The following ADAMTSL1 variants were observed in gnomAD, a reference collection of about 807,000 sequenced individuals.
ADAMTSL1 encodes the protein ADAMTS-like protein 1.
Under a neutral mutation model 201.8 loss-of-function variants are expected in ADAMTSL1, and 126 were observed. That is an observed-to-expected ratio of 0.62 (90% CI 0.54 to 0.72). The LOEUF (loss-of-function observed/expected upper bound fraction) is 0.72. Ranked by LOEUF, ADAMTSL1 falls within the 30% of genes least tolerant of loss-of-function variation. The pLI is 0.00. For synonymous variants in ADAMTSL1, 1,121 were observed against 903.4 expected, an observed-to-expected ratio of 1.24 and a Z score of -4.32; for missense variants, 2,679 against 2,277.8, an observed-to-expected ratio of 1.18 and a Z score of -3.59.
chr9:18,517,542 G>A (rs927118797), intron 2 of ADAMTSL1, among the ~76,000 whole-genome samples: 37 of 151,254 alleles, frequency 2.4e-4, no homozygotes, highest in African/African-American at 4.4e-4. Flanking sequence ...AGCATTAGGT[G>A]TATCTCCCAA....
intron 23 of ADAMTSL1, among the ~76,000 whole-genome samples, chr9:18,855,533 C>G (rs567459388): frequency 1.4e-4 from 21 of 152,242 alleles, no homozygotes; most frequent in Admixed American, 8.5e-4. Context: ...TAATTGTATT[C>G]GTGTTCTAGA....
At chr9:18,509,218 A>G (rs1325799372) in intron 2 of ADAMTSL1, among the ~76,000 whole-genome samples, 1 of 93,572 alleles carries the variant, frequency 1.1e-5, no homozygotes, top group Non-Finnish European at 2.3e-5. Context: ...AAAAAAAAAA[A>G]AAAAAAAAAA....
chr9:18,843,575 T>C (rs1361610029), intron 23 of ADAMTSL1, among the ~76,000 whole-genome samples: 2 of 150,566 alleles, frequency 1.3e-5, no homozygotes, highest in Non-Finnish European at 2.9e-5. Context: ...AATCTGAATG[T>C]TGCCCTGCCT....
intron 2 of ADAMTSL1, among the ~76,000 whole-genome samples, chr9:18,519,037 G>A (rs943802495): frequency 1.3e-5 from 2 of 152,034 alleles, no homozygotes; most frequent in Non-Finnish European, 2.9e-5. Context: ...TACCTACAAT[G>A]TCCCTCCCTC....
intron 2 of ADAMTSL1, among the ~76,000 whole-genome samples, chr9:18,177,689 G>T (rs1296452149): frequency 6.6e-6 from 1 of 152,174 alleles, no homozygotes; most frequent in South Asian, 2.1e-4. Context: ...AGGACAAATG[G>T]AGGAACGGTG....
intron 2 of ADAMTSL1, among the ~76,000 whole-genome samples, chr9:18,176,220 C>G (rs1329693188): frequency 6.6e-6 from 1 of 151,842 alleles, no homozygotes; most frequent in Non-Finnish European, 1.5e-5. Context: ...GATCATTTGC[C>G]CTAGCGTATT....
intron 1 of ADAMTSL1, among the ~76,000 whole-genome samples, chr9:18,146,581 C>G (rs1431179721): frequency 1.3e-5 from 2 of 152,116 alleles, no homozygotes; most frequent in Admixed American, 6.6e-5. Context: ...ATAGGTAAAA[C>G]ACAGGGGACT....
intron 4 of ADAMTSL1, among the ~76,000 whole-genome samples, chr9:18,590,450 C>A (rs947042161): frequency 4.0e-5 from 6 of 150,172 alleles, no homozygotes; most frequent in Non-Finnish European, 7.4e-5. Flanking sequence ...TGTTGTTTAT[C>A]TTTTCAAAAA....
chr9:18,461,044 A>G (rs1245993603), intron 2 of ADAMTSL1, among the ~76,000 whole-genome samples: 1 of 152,212 alleles, frequency 6.6e-6, no homozygotes. Context: ...TTTTTAACAA[A>G]TGTAACTTTT....
chr9:18,870,474 T>C (rs965287650), intron 23 of ADAMTSL1, among the ~76,000 whole-genome samples: 1 of 152,220 alleles, frequency 6.6e-6, no homozygotes, highest in Non-Finnish European at 1.5e-5. Context: ...GCTGCTCTTT[T>C]GCTGGGTCCT....
At chr9:18,715,476 C>G (rs528792141) in intron 14 of ADAMTSL1, among the ~76,000 whole-genome samples, 2 of 152,240 alleles carry the variant, frequency 1.3e-5, no homozygotes, top group Non-Finnish European at 2.9e-5. Context: ...TGCGTGAACT[C>G]CCATTCACAA....
chr9:18,647,742 G>T (rs1400699981), intron 7 of ADAMTSL1, among the ~76,000 whole-genome samples: 2 of 151,686 alleles, frequency 1.3e-5, no homozygotes, highest in African/African-American at 2.4e-5. Flanking sequence ...TTGCACTGTG[G>T]TCTGAGAGAC....
At chr9:18,747,923 T>C (rs1424377902) in intron 15 of ADAMTSL1, among the ~76,000 whole-genome samples, 1 of 152,062 alleles carries the variant, frequency 6.6e-6, no homozygotes, top group Non-Finnish European at 1.5e-5. Flanking sequence ...CCAGTTAAAG[T>C]GACAGGCCAA....
intron 1 of ADAMTSL1, among the ~76,000 whole-genome samples, chr9:17,913,202 C>T (rs957694112): frequency 1.3e-5 from 2 of 152,042 alleles, no homozygotes; most frequent in Admixed American, 1.3e-4. Flanking sequence ...TCCATATGAA[C>T]TTTAAAGTAG....
chr9:17,947,345 A>ACACACC lies in ADAMTSL1; in HGVS notation c.87+40424_87+40425insACACCC, dbSNP rs1554668687. On this transcript the variant is annotated intron_variant, in intron 1 of 29. Transcript: ENST00000680146. ...CACACACACACACACACACACACAC[A>ACACACC]CCCCACTATGCACTTGATAATTTTG... is the stretch of plus-strand genomic sequence containing the variant. Among the ~76,000 whole-genome samples the ACACACC allele has an allele frequency of 3.4e-3, 499 of 147,080 alleles. 1 individual carries two copies. Among genetic ancestry groups the ACACACC allele is most frequent in the East Asian group, 6.3e-3 (31 of 4,942 alleles).
intron 7 of ADAMTSL1, among the ~76,000 whole-genome samples, chr9:18,639,634 AAT>A (rs1827323340): frequency 6.6e-6 from 1 of 152,094 alleles, no homozygotes; most frequent in African/African-American, 2.4e-5. Context: ...TAATTAATAC[AAT>A]CTTTATTATG....
intron 1 of ADAMTSL1, among the ~76,000 whole-genome samples, chr9:18,051,536 C>G (rs10963416): frequency 0.29 from 43,603 of 150,322 alleles, 7,928 homozygotes; most frequent in Non-Finnish European, 0.4. Context: ...ATACAGACAA[C>G]TTTTTAAAAC....
At chr9:18,415,680 T>C (rs1208718078) in intron 2 of ADAMTSL1, among the ~76,000 whole-genome samples, 2 of 150,864 alleles carry the variant, frequency 1.3e-5, no homozygotes, top group South Asian at 4.2e-4. Context: ...AAAAAAAAAA[T>C]CTACATATTC....
At chr9:18,276,588 C>T (rs1451911944) in intron 2 of ADAMTSL1, among the ~76,000 whole-genome samples, 2 of 152,176 alleles carry the variant, frequency 1.3e-5, no homozygotes, top group African/African-American at 4.8e-5. Context: ...TATTTTGGCT[C>T]ACAGTTCTGC....
Sources: gnomAD v4.1 joint callset for allele counts (sites outside exome capture counted in the v4.1 genomes callset) on GRCh38, gnomAD v4.1.1 for gene constraint, MANE v1.5 for transcripts, NCBI Gene and HGNC (gene_info 2026-07-23, HGNC 2026-07-21) for gene names.